FRMD8: variants seen among roughly 807,000 people sequenced by gnomAD.
The protein encoded by FRMD8 is FERM domain-containing protein 8.
FRMD8 carries 37 observed loss-of-function variants against 54.2 expected under a neutral mutation model. That is an observed-to-expected ratio of 0.68 (90% CI 0.53 to 0.90). The LOEUF (loss-of-function observed/expected upper bound fraction) is 0.90. FRMD8 is among the 40% of genes least tolerant of loss of function. The pLI, the probability that FRMD8 is intolerant of heterozygous loss-of-function variation, is 0.00. For missense variants in FRMD8, 585 were observed against 653.7 expected (o/e 0.89, Z 1.15); for synonymous variants, 246 against 286.9 (o/e 0.86, Z 1.44).
intron 6 of FRMD8, 25 bp downstream of exon 6, chr11:65,394,450 G>C (rs907909474): frequency 1.9e-6 from 3 of 1,548,320 alleles, no homozygotes; most frequent in African/African-American, 2.7e-5. Flanking sequence ...GACTTGAGGC[G>C]GGGGCGCTGG....
rs1388706717 is a variant in FRMD8, at chr11:65,389,234, C to G, written c.86-127C>G. 4.7e-6 allele frequency: 4 copies of G among 844,170 alleles called. No homozygotes were observed. The African/African-American group carries it at 6.8e-5, about 14-fold the overall frequency. The allele number at this position is 844,170 out of a possible 1,614,324, so 52.3% of individuals were successfully genotyped here. ...GAGGACTCTGTCTCAGGAGCGTAGC[C>G]CTGGTCACCCCTGAGGGGTGTAGGG... On this transcript the variant is annotated intron_variant, in intron 2 of 10. Transcript: ENST00000317568.
Position 65,397,015 on chromosome 11 carries a change from T to C in FRMD8, c.798T>C (p.Phe266=), listed in dbSNP as rs1161911251. The C allele has an allele frequency of 3.4e-6, 5 of 1,451,540 alleles. No individual in the cohort carries two copies. The South Asian group carries it at 5.6e-5, about 16-fold the overall frequency. 89.9% of individuals were successfully genotyped at this position (1,451,540 alleles called of 1,614,324 possible). ...AYLLKCHELP[F]YGCAFFHGEV... is the part of the protein sequence containing the mutation. Reference sequence around the variant, plus strand: ...TCCTCAAGTGCCACGAGCTGCCGTTTTATGGGTAAGAGCCACAGCCCCGCG... The same window carrying C: ...TCCTCAAGTGCCACGAGCTGCCGTTCTATGGGTAAGAGCCACAGCCCCGCG... The change falls in exon 7 of 11, where the codon TTT becomes TTC. Residue 266 remains phenylalanine (F), a synonymous_variant. Coordinates refer to ENST00000317568, the MANE Select transcript of FRMD8 (RefSeq NM_031904.5).
chr11:65,390,563 T>TC (rs954497750), intron 3 of FRMD8, among the ~76,000 whole-genome samples: 3 of 115,268 alleles, frequency 2.6e-5, no homozygotes, highest in African/African-American at 9.8e-5. Context: ...CTCCACCCCC[T>TC]CCCCCCTGCC....
At chr11:65,409,765 CA>C (rs751034633) in intron 10 of FRMD8, among the ~76,000 whole-genome samples, 466 of 117,428 alleles carry the variant, frequency 4.0e-3, no homozygotes, top group Middle Eastern at 9.1e-3. Context: ...GACCCTGTCG[CA>C]AAAAAAAAAA....
At chr11:65,402,368 GAA>G (rs1590657548) in intron 9 of FRMD8, among the ~76,000 whole-genome samples, 1 of 150,838 alleles carries the variant, frequency 6.6e-6, no homozygotes, top group Non-Finnish European at 1.5e-5. Context: ...AAAAAAAAAA[GAA>G]AGACATTGAA....
chr11:65,394,062 G>C lies in FRMD8; in HGVS notation c.377G>C (p.Arg126Pro). The stretch of plus-strand genomic sequence containing the variant: ...CCAGATGAGCCTTTCCTGCAGTTCC[G>C]AAGGAACGTGTTCTTCCCAAAGCGG... ...VAMDEPFLQF[R>P]RNVFFPKRRE... is the part of the protein sequence containing the mutation. Residue 126 changes from arginine (R) to proline (P), a missense_variant, in exon 5 of 11, where the codon CGA (arginine) becomes CCA (proline). By Grantham distance (103) the Arg-to-Pro change is moderately radical. Coordinates refer to ENST00000317568, the MANE Select transcript of FRMD8 (RefSeq NM_031904.5). 3.1e-6 allele frequency: 5 copies of C among 1,614,122 alleles called. No homozygotes were observed. The highest frequency in any genetic ancestry group is 4.2e-6 in the Non-Finnish European group (5 of 1,179,986).
chr11:65,400,028 C>A lies in FRMD8; in HGVS notation c.927+169C>A. ...GTAGCCCCTGAGGGTGATCCTGGGT[C>A]CTCTTGCCCAACATGCTAGGCTGTG... On this transcript the variant is annotated intron_variant, in intron 8 of 10. Transcript: ENST00000317568. The surrounding 1 kb of genome is among the most constrained non-coding windows in gnomAD (Gnocchi z 4.3). 1.3e-6 allele frequency: 1 copy of A among 757,724 alleles called. No individual in the cohort carries two copies. The highest frequency in any genetic ancestry group is 2.0e-6 in the Non-Finnish European group (1 of 492,972). The allele number at this position is 757,724 out of a possible 1,614,324, so 46.9% of individuals were successfully genotyped here. A position where few individuals can be genotyped will look rare whatever the true frequency, so the allele number is the denominator to read the frequency against.
chr11:65,388,006 A>C (rs1197289293), intron 2 of FRMD8, among the ~76,000 whole-genome samples: 1 of 152,120 alleles, frequency 6.6e-6, no homozygotes, highest in Non-Finnish European at 1.5e-5. Flanking sequence ...TCTCTACTAA[A>C]AATGCAAATT....
At position 65,404,179 on chromosome 11, in the gene FRMD8, C is replaced by A; in HGVS notation, c.1072-685C>A. On this transcript the variant is annotated intron_variant, in intron 9 of 10. Transcript: ENST00000317568. The surrounding 1 kb of genome is among the most constrained non-coding windows in gnomAD (Gnocchi z 4.7). ...CCAGTCAGGAGCACAGGTGGCCATT[C>A]CTGTCTACTTGGCCTCATCTTATCC... 6.6e-6 allele frequency among the ~76,000 whole-genome samples: 1 copy of A among 152,202 alleles called. No individual in the cohort carries two copies. Among genetic ancestry groups the A allele is most frequent in the South Asian group, 2.1e-4 (1 of 4,832 alleles).
chr11:65,409,095 T>G (rs1325218262), intron 10 of FRMD8, among the ~76,000 whole-genome samples: 1 of 151,914 alleles, frequency 6.6e-6, no homozygotes, highest in Non-Finnish European at 1.5e-5. Context: ...ATTGGAAATT[T>G]TTTTTTTTTT....
the FRMD8 span, chr11:65,381,194 G>A: frequency 6.6e-6 from 1 of 152,414 alleles, no homozygotes; most frequent in African/African-American, 2.4e-5. Context: ...GCAGTGGCAT[G>A]ATCATGGCTC....
At chr11:65,372,904 C>A in the FRMD8 span, among the ~76,000 whole-genome samples, 1 of 152,168 alleles carries the variant, frequency 6.6e-6, no homozygotes, top group African/African-American at 2.4e-5. Flanking sequence ...AGCCTGGAAT[C>A]CCTGGCGCTG....
At chr11:65,387,193 T>A in intron 2 of FRMD8, 72 bp downstream of exon 2, 1 of 1,186,676 alleles carries the variant, frequency 8.4e-7, no homozygotes, top group Non-Finnish European at 1.2e-6. Context: ...CTCTGGCTTG[T>A]CTTCTTTTTC....
chr11:65,378,947 C>T, the FRMD8 span: 6 of 180,472 alleles, frequency 3.3e-5, no homozygotes, highest in Non-Finnish European at 7.0e-5. Flanking sequence ...AGTGTAGAGC[C>T]AGGCAGGGCC....
the FRMD8 span, chr11:65,378,784 G>A: frequency 0.03 from 4,674 of 153,482 alleles, 282 homozygotes; most frequent in African/African-American, 0.11. Flanking sequence ...ATTCAGCACC[G>A]GTTCCCACTG....
the FRMD8 span, among the ~76,000 whole-genome samples, chr11:65,371,905 A>T: frequency 6.7e-6 from 1 of 149,902 alleles, no homozygotes; most frequent in Non-Finnish European, 1.5e-5. Flanking sequence ...TGAGCCACGA[A>T]GCCCGGCTAA....
intron 2 of FRMD8, among the ~76,000 whole-genome samples, chr11:65,388,848 T>G (rs1855783023): frequency 6.6e-6 from 1 of 152,216 alleles, no homozygotes; most frequent in Admixed American, 6.5e-5. Flanking sequence ...GAGAGAGACT[T>G]GCCTAAGGAC....
rs1392336918 is a variant in FRMD8 at position 65,393,599 on chromosome 11, C to G, written c.280C>G (p.Pro94Ala). The change falls in exon 4 of 11, where the codon CCC becomes GCC. Residue 94 changes from proline to alanine, a missense_variant. Physicochemically the swap from Pro to Ala is conservative, Grantham distance 27 (BLOSUM62 -1). Transcript: ENST00000317568. Reference sequence around the variant, plus strand: ...GGTGCAGCTGAAACCCAAGCACCAGCCCTACAAGCTGGGACGCCAGTGGCC... The same window carrying G: ...GGTGCAGCTGAAACCCAAGCACCAGGCCTACAAGCTGGGACGCCAGTGGCC... ...LEVQLKPKHQ[P>A]YKLGRQWPEL... 2 of 1,608,990 alleles carry G rather than the reference C, an allele frequency of 1.2e-6. No homozygotes were observed. The highest frequency in any genetic ancestry group is 4.5e-5 in the East Asian group (2 of 44,886).
At chr11:65,376,380 G>A in the FRMD8 span, 1 of 1,605,318 alleles carries the variant, frequency 6.2e-7, no homozygotes, top group Non-Finnish European at 8.5e-7. Context: ...TGGGCCTGAT[G>A]GGGAGCTGCT....
Sources: allele counts gnomAD v4.1 joint callset (sites outside exome capture counted in the v4.1 genomes callset), GRCh38; gene constraint gnomAD v4.1.1; non-coding constraint Gnocchi (gnomAD v3.1); transcripts MANE v1.5; gene names NCBI Gene and HGNC (gene_info 2026-07-23, HGNC 2026-07-21).